Variants in LMO7 observed in about 807,000 individuals in gnomAD.
LMO7 encodes LIM domain only protein 7.
A neutral mutation model predicts 206.5 loss-of-function variants in LMO7; 120 were observed. That is an observed-to-expected ratio of 0.58 (90% CI 0.50 to 0.68). The LOEUF (loss-of-function observed/expected upper bound fraction) is 0.68. Ranked by LOEUF, LMO7 falls within the 30% of genes least tolerant of loss-of-function variation. The probability of loss-of-function intolerance (pLI) is 0.00; values close to 1 mark genes in which losing one functional copy is unlikely to be tolerated. For missense variants in LMO7, 1,959 were observed against 1,957.9 expected (o/e 1.00, Z -0.01); for synonymous variants, 706 against 681.5 (o/e 1.04, Z -0.56).
At chr13:75,718,360 C>T (rs749946308) in intron 2 of LMO7, among the ~76,000 whole-genome samples, 6 of 152,190 alleles carry the variant, frequency 3.9e-5, no homozygotes, top group Non-Finnish European at 8.8e-5. Flanking sequence ...ACTGATATAT[C>T]ACTCTTATTT....
At chr13:75,670,612 A>C (rs754444039) in intron 1 of LMO7, among the ~76,000 whole-genome samples, 6 of 152,212 alleles carry the variant, frequency 3.9e-5, no homozygotes, top group Non-Finnish European at 4.4e-5. Context: ...ATGGTATAAA[A>C]GATAAGAAAT....
In LMO7 at chr13:75,821,315, G is replaced by A. The variant is rs751589614; in HGVS notation, c.2346G>A (p.Lys782=). The A allele has an allele frequency of 1.2e-6, 2 of 1,614,144 alleles. No homozygotes were observed. The highest frequency in any genetic ancestry group is 1.3e-5 in the African/African-American group (1 of 75,044). ...ACCAGAGTGAGAGAGTAGAAGAGAA[G>A]GGAGCAACTTATCCTTCAGAAATTC... The part of the protein sequence containing the change: ...ASYQSERVEE[K]GATYPSEIPK... Residue 782 remains lysine, a synonymous_variant, in exon 14 of 31, where the codon AAG becomes AAA. Transcript: ENST00000377534.
At chr13:75,766,458 C>A (rs1193854359) in intron 4 of LMO7, among the ~76,000 whole-genome samples, 1 of 151,788 alleles carries the variant, frequency 6.6e-6, no homozygotes, top group Admixed American at 6.6e-5. Flanking sequence ...GAAGTCATGA[C>A]TTGTTTGTTA....
intron 7 of LMO7, among the ~76,000 whole-genome samples, chr13:75,801,166 T>G (rs977767935): frequency 6.6e-6 from 1 of 151,760 alleles, no homozygotes; most frequent in Non-Finnish European, 1.5e-5. Context: ...CTCTCCAGAT[T>G]CAGGCTTAAT....
chr13:75,686,007 T>A (rs987102333), intron 1 of LMO7, among the ~76,000 whole-genome samples: 8 of 150,544 alleles, frequency 5.3e-5, no homozygotes, highest in Non-Finnish European at 1.2e-4. Context: ...CCTGCATAGC[T>A]GGGACTACAG....
At chr13:75,794,779 T>C (rs911257330) in intron 4 of LMO7, among the ~76,000 whole-genome samples, 1 of 152,216 alleles carries the variant, frequency 6.6e-6, no homozygotes, top group Non-Finnish European at 1.5e-5. Context: ...TGCCCTTTCA[T>C]ATGTGAGCAA....
At chr13:75,802,223 G>T (rs1595120597) in intron 7 of LMO7, among the ~76,000 whole-genome samples, 1 of 152,130 alleles carries the variant, frequency 6.6e-6, no homozygotes, top group African/African-American at 2.4e-5. Flanking sequence ...TAGAGTAGTA[G>T]TTTTTAAAAA....
intron 1 of LMO7, among the ~76,000 whole-genome samples, chr13:75,677,123 C>A (rs1376640817): frequency 6.6e-6 from 1 of 152,078 alleles, no homozygotes; most frequent in Non-Finnish European, 1.5e-5. Context: ...ACAGAGCTGG[C>A]TGTGTATACA....
At chr13:75,801,642 C>T (rs1245076425) in intron 7 of LMO7, among the ~76,000 whole-genome samples, 1 of 152,138 alleles carries the variant, frequency 6.6e-6, no homozygotes, top group Non-Finnish European at 1.5e-5. Context: ...GTGTACATCT[C>T]CAGCTATTCA....
At chr13:75,803,043 C>T (rs144535910) in intron 7 of LMO7, among the ~76,000 whole-genome samples, 31 of 152,248 alleles carry the variant, frequency 2.0e-4, no homozygotes, top group Admixed American at 1.8e-3. Context: ...GTATGGATTT[C>T]GGCAGGAGTA....
At chr13:75,748,867 G>A (rs1189539483) in intron 3 of LMO7, among the ~76,000 whole-genome samples, 1 of 150,226 alleles carries the variant, frequency 6.7e-6, no homozygotes, top group African/African-American at 2.4e-5. Context: ...CTGGAGTGCA[G>A]TGGCCTGATC....
At chr13:75,653,007 G>A (rs971329493) in intron 1 of LMO7, among the ~76,000 whole-genome samples, 11 of 151,764 alleles carry the variant, frequency 7.2e-5, no homozygotes, top group Non-Finnish European at 1.6e-4. Flanking sequence ...AAGTCAACTC[G>A]GGGACAGAAT....
intron 2 of LMO7, chr13:75,627,622 T>C: frequency 6.6e-6 from 1 of 152,254 alleles, no homozygotes; most frequent in Non-Finnish European, 1.5e-5. Flanking sequence ...CACAAATAAA[T>C]GTATTTTAGG....
At position 75,804,069 on chromosome 13, in the gene LMO7, A is replaced by G. The variant is rs369351087; in HGVS notation, c.662-220A>G. ...ATAGGACTTATTCTTCTTAGAGCCTACAGCAGCAAAAGAATGTACTGCATG... is the reference window on the plus strand; with the variant it reads ...ATAGGACTTATTCTTCTTAGAGCCTGCAGCAGCAAAAGAATGTACTGCATG... On this transcript the variant is annotated intron_variant, in intron 7 of 30. Transcript: ENST00000377534. 3.3e-4 allele frequency: 163 copies of G among 486,866 alleles called. 2 individuals carry two copies. In the South Asian group the frequency reaches 4.1e-3, roughly 12 times the overall value. The allele number at this position is 486,866 out of a possible 1,614,324, so 30.2% of individuals were successfully genotyped here.
At chr13:75,644,471 C>T (rs914418933) in intron 1 of LMO7, among the ~76,000 whole-genome samples, 4 of 152,132 alleles carry the variant, frequency 2.6e-5, no homozygotes, top group African/African-American at 4.8e-5. Context: ...ATGGGCTCTC[C>T]GTCCTTGTTC....
At chr13:75,751,147 CTCTTTTT>C (rs2047236712) in intron 3 of LMO7, among the ~76,000 whole-genome samples, 1 of 93,804 alleles carries the variant, frequency 1.1e-5, no homozygotes, top group Non-Finnish European at 2.2e-5. Context: ...CTTTTTTCAG[CTCTTTTT>C]TTTTTTTTTT....
At chr13:75,704,259 T>C (rs1328433809) in intron 1 of LMO7, among the ~76,000 whole-genome samples, 1 of 152,210 alleles carries the variant, frequency 6.6e-6, no homozygotes, top group African/African-American at 2.4e-5. Context: ...ATGGCAAACA[T>C]GGCTCTTGGG....
chr13:75,737,122 G>C (rs925344230), intron 3 of LMO7, among the ~76,000 whole-genome samples: 2 of 152,196 alleles, frequency 1.3e-5, no homozygotes, highest in African/African-American at 4.8e-5. Flanking sequence ...CTCATACTGG[G>C]GTAAGGAGGG....
chr13:75,695,089 T>A (rs78634458), intron 1 of LMO7, among the ~76,000 whole-genome samples: 1,656 of 152,270 alleles, frequency 0.011, 18 homozygotes, highest in South Asian at 0.027. Flanking sequence ...GGATCTTCAA[T>A]TTGTTATGTT....
Sources: allele counts gnomAD v4.1 joint callset (sites outside exome capture counted in the v4.1 genomes callset), GRCh38; gene constraint gnomAD v4.1.1; transcripts MANE v1.5; gene names NCBI Gene and HGNC (gene_info 2026-07-23, HGNC 2026-07-21).